GTPBP2: variants seen among roughly 807,000 people sequenced by gnomAD.
The protein encoded by GTPBP2 is GTP-binding protein 2.
GTPBP2 carries 32 observed loss-of-function variants against 63.0 expected under a neutral mutation model. The ratio of observed to expected loss-of-function variants is 0.51; its 90% CI spans 0.38 to 0.68. The LOEUF (loss-of-function observed/expected upper bound fraction) is 0.68. Among genes scored for constraint, GTPBP2 ranks in the 30% least tolerant of loss-of-function variants. The pLI, the probability that GTPBP2 is intolerant of heterozygous loss-of-function variation, is 0.00. For synonymous variants in GTPBP2, 310 were observed against 322.6 expected, an observed-to-expected ratio of 0.96 and a Z score of 0.42; for missense variants, 492 against 796.9, an observed-to-expected ratio of 0.62 and a Z score of 4.61.
At chr6:43,630,729 C>G (rs141381213), upstream of GTPBP2, among the ~76,000 whole-genome samples, 1 of 146,720 alleles carries the variant, frequency 6.8e-6, no homozygotes, top group Non-Finnish European at 1.5e-5. Flanking sequence ...GGCAACAGAG[C>G]GAGACTCCAA....
At position 43,624,991 on chromosome 6, in the gene GTPBP2, G is replaced by A. The variant is rs755247443; in HGVS notation, c.777C>T (p.Ile259=). The change falls in exon 6 of 12, where the codon ATC becomes ATT. Residue 259 remains isoleucine, a synonymous_variant. Coordinates refer to ENST00000307126, the MANE Select transcript of GTPBP2 (RefSeq NM_019096.5). The surrounding 1 kb of genome is among the most constrained non-coding windows in gnomAD (Gnocchi z 5.1). ...GGTACTTATGGTGGCCTGCCAGGTCGATGAAGGTGATCATCTTGGAGCTGC... is the reference window on the plus strand; with the variant it reads ...GGTACTTATGGTGGCCTGCCAGGTCAATGAAGGTGATCATCTTGGAGCTGC... ...CESSSKMITF[I]DLAGHHKYLH... is the part of the protein sequence containing the mutation. The A allele has an allele frequency of 2.4e-5, 39 of 1,613,812 alleles. 1 individual carries two copies. The highest frequency in any genetic ancestry group is 1.6e-4 in the Middle Eastern group (1 of 6,084).
chr6:43,627,088 G>A, intron 1 of GTPBP2, 140 bp from the exon 2 acceptor site: 1 of 766,808 alleles, frequency 1.3e-6, no homozygotes, highest in Admixed American at 3.0e-5. Flanking sequence ...GCCTGTCAAA[G>A]GTCAGTGGCA....
Position 43,624,514 on chromosome 6 carries a change from G to A in GTPBP2, c.1096C>T (p.Pro366Ser), listed in dbSNP as rs951939079. ...TTTAGAGTAAGGTGGGCTTACTTGG[G>A]TGACTGAGCAAACTGCTGGGCAGCA... Reference protein sequence around the residue: ...VTAAQQFAQSPNVTPIFTLSS... With the variant: ...VTAAQQFAQSSNVTPIFTLSS... Residue 366 changes from proline (P) to serine (S), a missense_variant, in exon 7 of 12, where the codon CCC becomes TCC. By Grantham distance (74) the Pro-to-Ser change is moderately conservative. Transcript: ENST00000307126. This position sits in a 1 kb window ranked among gnomAD's most constrained non-coding sequence, Gnocchi z 5.1. 5 of 1,611,358 alleles carry A rather than the reference G, an allele frequency of 3.1e-6. No homozygotes were observed. The African/African-American group carries it at 6.7e-5, about 22-fold the overall frequency.
chr6:43,629,450 T>C, upstream of GTPBP2: 3 of 561,426 alleles, frequency 5.3e-6, no homozygotes, highest in Admixed American at 3.5e-5. Context: ...GTCGGAGGCG[T>C]GGGGAAGGAG....
Position 43,623,954 on chromosome 6 carries a change from C to CA in GTPBP2, c.1214dup (p.Met405IlefsTer11), listed in dbSNP as rs745811372. 1 of 1,614,086 alleles carries CA rather than the reference C, an allele frequency of 6.2e-7. No individual in the cohort carries two copies. The highest frequency in any genetic ancestry group is 8.5e-7 in the Non-Finnish European group (1 of 1,179,950). ...CTACCTGGAACTCCGTCAGCTGCTGCATGAGTTCCTCCTGCTCTTTGCTGT... is the reference window on the plus strand; with the variant it reads ...CTACCTGGAACTCCGTCAGCTGCTGCAATGAGTTCCTCCTGCTCTTTGCTGT... On this transcript the variant is annotated frameshift_variant, in exon 8 of 12. Transcript: ENST00000307126. LOFTEE classifies it high-confidence loss of function.
Position 43,622,707 on chromosome 6 carries a change from C to G in GTPBP2, c.1393G>C (p.Ala465Pro). The change falls in exon 10 of 12, where the codon GCC becomes CCC. Residue 465 changes from alanine (A) to proline (P), a missense_variant. Ala to Pro is a conservative substitution (Grantham distance 27). This residue lies in a region of GTPBP2 where 400 missense variants were observed against 710.8 expected (regional missense o/e 0.56). Coordinates refer to ENST00000307126, the MANE Select transcript of GTPBP2 (RefSeq NM_019096.5). The surrounding 1 kb of genome is among the most constrained non-coding windows in gnomAD (Gnocchi z 5.4). ...TGACCAGCTCGCAGCACACGACAGG[C>G]AGAGCGGTTGCGCTGGATGCTGCAT... ...RVCSIQRNRS[A>P]CRVLRAGQAA... 1 of 1,614,158 alleles carries G rather than the reference C, an allele frequency of 6.2e-7. No homozygotes were observed. The highest frequency in any genetic ancestry group is 8.5e-7 in the Non-Finnish European group (1 of 1,179,996).
At chr6:43,623,828 C>T (rs1488826278) in intron 8 of GTPBP2, 33 bp from the exon 9 acceptor site, 2 of 1,610,394 alleles carry the variant, frequency 1.2e-6, no homozygotes, top group Non-Finnish European at 1.7e-6. Flanking sequence ...CAATGGCCTG[C>T]CAAGTAGGGC....
chr6:43,626,100 C>T lies in GTPBP2; in HGVS notation c.398+126G>A. 1 of 923,532 alleles carries T rather than the reference C, an allele frequency of 1.1e-6. No individual in the cohort carries two copies. Among genetic ancestry groups the T allele is most frequent in the Non-Finnish European group, 1.7e-6 (1 of 587,640 alleles). 57.2% of individuals were successfully genotyped at this position (923,532 alleles called of 1,614,324 possible). A position where few individuals can be genotyped will look rare whatever the true frequency, so the allele number is the denominator to read the frequency against. On this transcript the variant is annotated intron_variant, in intron 3 of 11. Transcript: ENST00000307126. The surrounding 1 kb of genome is among the most constrained non-coding windows in gnomAD (Gnocchi z 4.0). ...AGGAGGGGACCAAAACACTAACCCT[C>T]CCCACTTCAGCCCTTTGTCAAGAGA...
chr6:43,629,648 C>T, upstream of GTPBP2: 2 of 1,292,512 alleles, frequency 1.5e-6, no homozygotes, highest in Non-Finnish European at 2.2e-6. Flanking sequence ...GGCCCTTTAG[C>T]GCGGATCCTA....
chr6:43,629,385 C>T (rs538511624), upstream of GTPBP2, among the ~76,000 whole-genome samples: 10 of 152,372 alleles, frequency 6.6e-5, no homozygotes, highest in South Asian at 1.7e-3. Context: ...TTAAATGACA[C>T]GTCGCCGCCC....
chr6:43,629,817 A>C, upstream of GTPBP2: 8 of 1,550,630 alleles, frequency 5.2e-6, no homozygotes, highest in Non-Finnish European at 7.0e-6. Flanking sequence ...GATTAGCCAA[A>C]TTACGGCTGT....
chr6:43,628,901 T>A (rs759459722), intron 1 of GTPBP2, 76 bp downstream of exon 1: 1 of 1,467,766 alleles, frequency 6.8e-7, no homozygotes, highest in Admixed American at 1.7e-5. Context: ...AGATTAATTA[T>A]CTGGGTCCCG....
chr6:43,625,082 C>G lies in GTPBP2; in HGVS notation c.706-20G>C, dbSNP rs1207394170. 1 of 1,610,678 alleles carries G rather than the reference C, an allele frequency of 6.2e-7. No homozygotes were observed. Among genetic ancestry groups the G allele is most frequent in the South Asian group, 1.1e-5 (1 of 90,960 alleles). On this transcript the variant is annotated intron_variant, in intron 5 of 11. Coordinates refer to ENST00000307126, the MANE Select transcript of GTPBP2 (RefSeq NM_019096.5). The surrounding 1 kb of genome is among the most constrained non-coding windows in gnomAD (Gnocchi z 5.1). The stretch of plus-strand genomic sequence containing the variant: ...CACCACCTGGCCCAGGGCCCAGGGC[C>G]CTCAGTGCCTCCTGCCAGCCCTTCC...
upstream of GTPBP2, among the ~76,000 whole-genome samples, chr6:43,629,358 C>T (rs977576148): frequency 6.6e-6 from 1 of 152,258 alleles, no homozygotes; most frequent in Non-Finnish European, 1.5e-5. Flanking sequence ...ATAGAGTCCC[C>T]AGGCCTGGGA....
intron 9 of GTPBP2, chr6:43,623,007 G>A: frequency 1.8e-6 from 1 of 564,390 alleles, no homozygotes; most frequent in Non-Finnish European, 3.2e-6. Context: ...CAGCAGTGAT[G>A]GTGGACAGAG....
rs373546999 is a variant in GTPBP2, at chr6:43,625,727, A to C, written c.507+29T>G. On this transcript the variant is annotated intron_variant, in intron 4 of 11. Transcript: ENST00000307126. The surrounding 1 kb of genome is among the most constrained non-coding windows in gnomAD (Gnocchi z 5.1). The stretch of plus-strand genomic sequence containing the variant: ...CACAGGGCCCTTCCACAGTGTGGAC[A>C]TGAGAGACAGGGATGGGTGTGTGCT... 1.2e-5 allele frequency: 18 copies of C among 1,545,112 alleles called. No individual in the cohort carries two copies. Among genetic ancestry groups the C allele is most frequent in the Non-Finnish European group, 1.5e-5 (17 of 1,117,122 alleles).
Position 43,625,924 on chromosome 6 carries a change from C to T in GTPBP2, c.399-60G>A. 1 of 1,339,558 alleles carries T rather than the reference C, an allele frequency of 7.5e-7. No individual in the cohort carries two copies. Among genetic ancestry groups the T allele is most frequent in the Non-Finnish European group, 1.1e-6 (1 of 930,870 alleles). 83.0% of individuals were successfully genotyped at this position (1,339,558 alleles called of 1,614,324 possible). On this transcript the variant is annotated intron_variant, in intron 3 of 11. Transcript: ENST00000307126. The surrounding 1 kb of genome is among the most constrained non-coding windows in gnomAD (Gnocchi z 5.1). ...CTGTCCTTCTCCTATTCCAGGCTCGCTCTGGACCTACAGACTTCCTGCACC... is the reference window on the plus strand; with the variant it reads ...CTGTCCTTCTCCTATTCCAGGCTCGTTCTGGACCTACAGACTTCCTGCACC...
Position 43,625,922 on chromosome 6 carries a change from C to T in GTPBP2, c.399-58G>A, listed in dbSNP as rs1198138472. 6.0e-6 allele frequency: 8 copies of T among 1,338,732 alleles called. No homozygotes were observed. Among genetic ancestry groups the T allele is most frequent in the East Asian group, 4.6e-5 (2 of 43,648 alleles). 82.9% of individuals were successfully genotyped at this position (1,338,732 alleles called of 1,614,324 possible). ...ACCTGTCCTTCTCCTATTCCAGGCT[C>T]GCTCTGGACCTACAGACTTCCTGCA... is the stretch of plus-strand genomic sequence containing the variant. On this transcript the variant is annotated intron_variant, in intron 3 of 11. Coordinates refer to ENST00000307126, the MANE Select transcript of GTPBP2 (RefSeq NM_019096.5). This position sits in a 1 kb window ranked among gnomAD's most constrained non-coding sequence, Gnocchi z 5.1.
At chr6:43,628,299 G>T (rs1455990598) in intron 1 of GTPBP2, among the ~76,000 whole-genome samples, 1 of 152,186 alleles carries the variant, frequency 6.6e-6, no homozygotes, top group Non-Finnish European at 1.5e-5. Flanking sequence ...CCGGGAGGCC[G>T]AGGTTGCAGT....
Sources: allele counts gnomAD v4.1 joint callset (sites outside exome capture counted in the v4.1 genomes callset), GRCh38; gene constraint gnomAD v4.1.1; regional missense constraint gnomAD v4.1.1; non-coding constraint Gnocchi (gnomAD v3.1); transcripts MANE v1.5; gene names NCBI Gene and HGNC (gene_info 2026-07-23, HGNC 2026-07-21).